ENTPD5: variants seen among roughly 807,000 people sequenced by gnomAD.
ENTPD5 encodes the protein ectonucleoside triphosphate diphosphohydrolase 5 (inactive), also known as nucleoside diphosphate phosphatase ENTPD5.
ENTPD5 carries 49 observed loss-of-function variants against 60.2 expected under a neutral mutation model. The ratio of observed to expected loss-of-function variants is 0.81; its 90% CI spans 0.65 to 1.03. ENTPD5 has a LOEUF of 1.03. Ranked by LOEUF, ENTPD5 falls within the 50% of genes least tolerant of loss-of-function variation. The pLI is 0.00. For synonymous variants in ENTPD5, 187 were observed against 185.4 expected, an observed-to-expected ratio of 1.01 and a Z score of -0.07; for missense variants, 480 against 507.6, an observed-to-expected ratio of 0.95 and a Z score of 0.52.
intron 6 of ENTPD5, among the ~76,000 whole-genome samples, chr14:73,980,966 G>A (rs2057664257): frequency 6.6e-6 from 1 of 151,880 alleles, no homozygotes; most frequent in African/African-American, 2.4e-5. Flanking sequence ...GGGAGTGGTG[G>A]CGCACGCCTG....
downstream of ENTPD5, chr14:73,955,934 G>GC: frequency 6.2e-7 from 1 of 1,613,882 alleles, no homozygotes; most frequent in South Asian, 1.1e-5. Context: ...GTCTGGTGAG[G>GC]CCCCCATCTT....
Position 73,970,010 on chromosome 14 carries a change from C to T in ENTPD5, c.1200G>A (p.Gln400=). The stretch of plus-strand genomic sequence containing the variant: ...GAGACTCTGGTGTCCTGTCTCTTAC[C>T]TGTAAGACTGTGCTGTCTGCAAAGC... ...GFGFADSTVL[Q]LTKKVNNIET... is the part of the protein sequence containing the mutation. The change falls in exon 15 of 16, where the codon CAG becomes CAA. Residue 400 remains glutamine (Q), a splice_region_variant and synonymous_variant. Coordinates refer to ENST00000334696, the MANE Select transcript of ENTPD5 (RefSeq NM_001249.5). 1 of 1,608,060 alleles carries T rather than the reference C, an allele frequency of 6.2e-7. No homozygotes were observed. The highest frequency in any genetic ancestry group is 8.5e-7 in the Non-Finnish European group (1 of 1,174,576).
At chr14:73,957,599 G>C (rs1172399485), downstream of ENTPD5, among the ~76,000 whole-genome samples, 1 of 151,972 alleles carries the variant, frequency 6.6e-6, no homozygotes, top group Non-Finnish European at 1.5e-5. Flanking sequence ...CATCACGCCT[G>C]GTTAATTTTT....
At chr14:73,972,681 A>T (rs1005360755) in intron 13 of ENTPD5, among the ~76,000 whole-genome samples, 356 of 17,054 alleles carry the variant, frequency 0.021, 1 homozygote, top group Admixed American at 0.041. Flanking sequence ...AAACATGTTA[A>T]AAAAAAAAAG....
intron 6 of ENTPD5, among the ~76,000 whole-genome samples, chr14:73,979,617 GC>G (rs1478224238): frequency 6.6e-6 from 1 of 151,802 alleles, no homozygotes; most frequent in African/African-American, 2.4e-5. Flanking sequence ...GACTACAGGT[GC>G]CTACCACCAC....
At chr14:73,995,566 TAG>T (rs1056643235) in intron 3 of ENTPD5, among the ~76,000 whole-genome samples, 2 of 147,188 alleles carry the variant, frequency 1.4e-5, no homozygotes, top group East Asian at 2.0e-4. Context: ...GCCTCAGTGA[TAG>T]AGAGAGACTC....
intron 14 of ENTPD5, 127 bp from the exon 15 acceptor site, chr14:73,970,252 G>A (rs536386214): frequency 7.6e-5 from 45 of 590,296 alleles, no homozygotes; most frequent in South Asian, 7.4e-4. Flanking sequence ...AGCACTTTGG[G>A]AGGCTGAGGC....
chr14:74,005,357 T>C (rs541223650), intron 3 of ENTPD5, among the ~76,000 whole-genome samples: 1 of 33,354 alleles, frequency 3.0e-5, no homozygotes, highest in African/African-American at 1.1e-4. Flanking sequence ...AGAGCAAGAC[T>C]CGGTCTCAAA....
At chr14:73,961,138 T>C, downstream of ENTPD5, 2 of 1,606,374 alleles carry the variant, frequency 1.2e-6, no homozygotes, top group Non-Finnish European at 1.7e-6. Context: ...CTACTCACAT[T>C]TCACCTTGTT....
chr14:74,004,983 T>C (rs1436106573), intron 3 of ENTPD5, among the ~76,000 whole-genome samples: 1 of 152,062 alleles, frequency 6.6e-6, no homozygotes, highest in African/African-American at 2.4e-5. Flanking sequence ...TTTTCCAGTA[T>C]ACCATATATA....
At chr14:74,014,369 C>A (rs1301553780) in intron 2 of ENTPD5, among the ~76,000 whole-genome samples, 2 of 146,496 alleles carry the variant, frequency 1.4e-5, no homozygotes, top group Admixed American at 6.8e-5. Context: ...AGAGTGAGAT[C>A]CAGTCTTTAC....
chr14:73,955,982 T>C (rs766682916), downstream of ENTPD5: 135 of 1,609,916 alleles, frequency 8.4e-5, 3 homozygotes, highest in Admixed American at 4.8e-4. Flanking sequence ...TGCTTAGGAC[T>C]TACTGGAAGA....
At chr14:73,974,726 G>A (rs1183138007) in intron 11 of ENTPD5, among the ~76,000 whole-genome samples, 198 bp downstream of exon 11, 1 of 152,184 alleles carries the variant, frequency 6.6e-6, no homozygotes, top group African/African-American at 2.4e-5. Context: ...TCTAAAAATG[G>A]CTAATAATAT....
intron 6 of ENTPD5, among the ~76,000 whole-genome samples, chr14:73,977,577 G>C (rs1395821021): frequency 6.6e-6 from 1 of 152,088 alleles, no homozygotes; most frequent in Non-Finnish European, 1.5e-5. Flanking sequence ...CACAAACACA[G>C]AGATTCCTTT....
chr14:73,956,062 C>T (rs546696003), downstream of ENTPD5: 112 of 1,299,234 alleles, frequency 8.6e-5, no homozygotes, highest in South Asian at 4.3e-4. Context: ...CGGTGGCTCA[C>T]GCCTGTAATC....
intron 5 of ENTPD5, among the ~76,000 whole-genome samples, chr14:73,985,683 C>G (rs1884620815): frequency 6.6e-6 from 1 of 152,114 alleles, no homozygotes; most frequent in South Asian, 2.1e-4. Flanking sequence ...TTCTCCCGTT[C>G]TGTAGGTTGC....
In ENTPD5 at chr14:73,970,541, C is replaced by T. The variant is rs368238324; in HGVS notation, c.1085-416G>A. Among the ~76,000 whole-genome samples, 31 of 152,212 alleles carry T rather than the reference C, an allele frequency of 2.0e-4. 1 individual carries two copies. The South Asian group carries it at 5.6e-3, about 28-fold the overall frequency. Reference sequence around the variant, plus strand: ...AAGAATAAGCAAAGCAGAAGTCTCCCTTTGGTTAATGCTTAGGCATCTCAG... The same window carrying T: ...AAGAATAAGCAAAGCAGAAGTCTCCTTTTGGTTAATGCTTAGGCATCTCAG... On this transcript the variant is annotated intron_variant, in intron 14 of 15. Transcript: ENST00000334696.
downstream of ENTPD5, chr14:73,958,966 T>C (rs369230323): frequency 1.1e-4 from 175 of 1,613,556 alleles, no homozygotes; most frequent in Non-Finnish European, 1.3e-4. Flanking sequence ...CATGTGTCCA[T>C]GCAGATAGGT....
At chr14:73,982,871 G>A (rs1450900285) in intron 6 of ENTPD5, 147 bp downstream of exon 6, 1 of 731,934 alleles carries the variant, frequency 1.4e-6, no homozygotes, top group Non-Finnish European at 2.2e-6. Context: ...TAAACAACTA[G>A]CTATAACAAG....
Sources: gnomAD v4.1 joint callset for allele counts (sites outside exome capture counted in the v4.1 genomes callset) on GRCh38, gnomAD v4.1.1 for gene constraint, MANE v1.5 for transcripts, NCBI Gene and HGNC (gene_info 2026-07-23, HGNC 2026-07-21) for gene names.